The following THSD7B variants were observed in gnomAD, a reference collection of about 807,000 sequenced individuals.
THSD7B encodes the protein thrombospondin type-1 domain-containing protein 7B.
A neutral mutation model predicts 213.6 loss-of-function variants in THSD7B; 138 were observed. The ratio of observed to expected loss-of-function variants is 0.65; its 90% CI spans 0.56 to 0.74. THSD7B has a LOEUF of 0.74. Among genes scored for constraint, THSD7B ranks in the 30% least tolerant of loss-of-function variants. The pLI, the probability that THSD7B is intolerant of heterozygous loss-of-function variation, is 0.00. For missense variants in THSD7B, 1,931 were observed against 1,991.5 expected (o/e 0.97, Z 0.58); for synonymous variants, 742 against 687.0 (o/e 1.08, Z -1.25).
intron 20 of THSD7B, among the ~76,000 whole-genome samples, chr2:137,640,834 T>G (rs1053973552): frequency 5.9e-5 from 9 of 152,170 alleles, no homozygotes; most frequent in Non-Finnish European, 1.3e-4. Flanking sequence ...AAACATATAG[T>G]CCACTTACTT....
At chr2:137,220,808 C>A (rs541663945) in intron 7 of THSD7B, among the ~76,000 whole-genome samples, 1 of 152,138 alleles carries the variant, frequency 6.6e-6, no homozygotes, top group East Asian at 1.9e-4. Flanking sequence ...TAAACAAAAC[C>A]TTCTACATCC....
At chr2:136,989,333 G>T (rs1261914538) in intron 2 of THSD7B, among the ~76,000 whole-genome samples, 3 of 152,190 alleles carry the variant, frequency 2.0e-5, no homozygotes, top group Non-Finnish European at 4.4e-5. Context: ...CTCATGAATG[G>T]CTTGGTGCTG....
chr2:136,963,359 A>G (rs1482452575), intron 2 of THSD7B, among the ~76,000 whole-genome samples: 3 of 152,160 alleles, frequency 2.0e-5, no homozygotes, highest in Non-Finnish European at 4.4e-5. Context: ...AGGGAAATTA[A>G]AAGGAAAGAA....
chr2:137,181,102 A>T (rs1373752870), intron 7 of THSD7B, among the ~76,000 whole-genome samples: 2 of 152,226 alleles, frequency 1.3e-5, no homozygotes, highest in Non-Finnish European at 2.9e-5. Flanking sequence ...TTTTCCCTGC[A>T]ACTGTAATTC....
At chr2:137,300,202 C>T (rs762821638) in intron 12 of THSD7B, among the ~76,000 whole-genome samples, 2 of 152,166 alleles carry the variant, frequency 1.3e-5, no homozygotes, top group Non-Finnish European at 2.9e-5. Flanking sequence ...CTTATTCCTA[C>T]TTACCCTTGC....
Position 137,656,940 on chromosome 2 carries a change from A to G in THSD7B, c.4250A>G (p.Gln1417Arg). Reference sequence around the variant, plus strand: ...TTTGAGAACCAAGACAGCTGCCCCCAACAGGTTCTAGAAACACGCCCTTGT... The same window carrying G: ...TTTGAGAACCAAGACAGCTGCCCCCGACAGGTTCTAGAAACACGCCCTTGT... ...QSFENQDSCP[Q>R]QVLETRPCTG... The change falls in exon 23 of 28, where the codon CAA becomes CGA. Residue 1417 changes from glutamine (Q) to arginine (R), a missense_variant. By Grantham distance (43) the Gln-to-Arg change is conservative (BLOSUM62 1). Transcript: ENST00000409968. 1 of 1,614,036 alleles carries G rather than the reference A, an allele frequency of 6.2e-7. No homozygotes were observed. The highest frequency in any genetic ancestry group is 8.5e-7 in the Non-Finnish European group (1 of 1,179,878).
chr2:137,352,996 A>G (rs964919765), intron 12 of THSD7B, among the ~76,000 whole-genome samples: 1 of 151,994 alleles, frequency 6.6e-6, no homozygotes, highest in African/African-American at 2.4e-5. Flanking sequence ...AAAATCTCCT[A>G]GAATTGGAGT....
At chr2:137,606,690 C>G (rs1212035222) in intron 17 of THSD7B, among the ~76,000 whole-genome samples, 1 of 152,036 alleles carries the variant, frequency 6.6e-6, no homozygotes, top group Non-Finnish European at 1.5e-5. Flanking sequence ...GACCAGGAGG[C>G]CTCAAGCAAT....
chr2:137,279,668 G>A (rs758536418), intron 12 of THSD7B, among the ~76,000 whole-genome samples: 1 of 152,110 alleles, frequency 6.6e-6, no homozygotes, highest in Non-Finnish European at 1.5e-5. Context: ...AAGGGAGGAG[G>A]AAGGACCTGC....
chr2:137,123,236 G>C (rs796223606), intron 5 of THSD7B, among the ~76,000 whole-genome samples: 5 of 152,122 alleles, frequency 3.3e-5, no homozygotes, highest in African/African-American at 1.2e-4. Context: ...TTGAGTAGCA[G>C]CTGAGAGGCT....
intron 15 of THSD7B, among the ~76,000 whole-genome samples, chr2:137,458,703 T>A (rs1687819843): frequency 6.6e-6 from 1 of 152,170 alleles, no homozygotes; most frequent in East Asian, 1.9e-4. Context: ...AATACCAATA[T>A]AAAATTTTTC....
At chr2:137,310,883 T>C (rs1378458885) in intron 12 of THSD7B, among the ~76,000 whole-genome samples, 1 of 152,132 alleles carries the variant, frequency 6.6e-6, no homozygotes, top group Non-Finnish European at 1.5e-5. Context: ...TTGGTACCAG[T>C]ACCATGCTGT....
At chr2:137,614,239 T>C (rs1682340766) in intron 17 of THSD7B, among the ~76,000 whole-genome samples, 1 of 152,192 alleles carries the variant, frequency 6.6e-6, no homozygotes. Context: ...GACTGTGAGA[T>C]CTGAGGAAGA....
intron 1 of THSD7B, among the ~76,000 whole-genome samples, chr2:136,796,136 A>AG (rs1682059104): frequency 6.6e-6 from 1 of 151,740 alleles, no homozygotes; most frequent in African/African-American, 2.4e-5. Context: ...GAATTTTGAA[A>AG]TGTATCCCTT....
chr2:137,181,700 G>A (rs896497421), intron 7 of THSD7B, among the ~76,000 whole-genome samples: 8 of 152,108 alleles, frequency 5.3e-5, no homozygotes, highest in Middle Eastern at 6.8e-3. Flanking sequence ...ATTTTTCCTC[G>A]TTGTCCTGCA....
intron 1 of THSD7B, among the ~76,000 whole-genome samples, chr2:136,824,890 G>A (rs559544164): frequency 1.1e-3 from 162 of 152,224 alleles, no homozygotes; most frequent in Admixed American, 3.1e-3. Context: ...TACATTTGCC[G>A]AAGAACTGAC....
intron 1 of THSD7B, among the ~76,000 whole-genome samples, chr2:136,876,383 G>A (rs1683526532): frequency 6.6e-6 from 1 of 152,080 alleles, no homozygotes; most frequent in Non-Finnish European, 1.5e-5. Flanking sequence ...TGCCTCAATG[G>A]CATATATAAT....
chr2:137,105,108 C>A (rs1182902146), intron 4 of THSD7B, among the ~76,000 whole-genome samples: 1 of 152,032 alleles, frequency 6.6e-6, no homozygotes, highest in Admixed American at 6.6e-5. Context: ...ACAACAACAA[C>A]AAAAGAATTT....
At chr2:137,229,315 C>T (rs2105052666) in intron 7 of THSD7B, among the ~76,000 whole-genome samples, 1 of 151,994 alleles carries the variant, frequency 6.6e-6, no homozygotes, top group South Asian at 2.1e-4. Flanking sequence ...TTTGTTTGGC[C>T]TGCCTGCTTC....
Sources: gnomAD v4.1 joint callset for allele counts (sites outside exome capture counted in the v4.1 genomes callset) on GRCh38, gnomAD v4.1.1 for gene constraint, MANE v1.5 for transcripts, NCBI Gene and HGNC (gene_info 2026-07-23, HGNC 2026-07-21) for gene names.